Variants in N4BP1 observed in about 807,000 individuals in gnomAD.
N4BP1 encodes the protein NEDD4-binding protein 1.
In N4BP1, 21 loss-of-function variants were observed where a neutral mutation model predicts 70.9. That is an observed-to-expected ratio of 0.30 (90% CI 0.21 to 0.43). The LOEUF (loss-of-function observed/expected upper bound fraction) is 0.43. N4BP1 is among the 20% of genes least tolerant of loss of function. The pLI, the probability that N4BP1 is intolerant of heterozygous loss-of-function variation, is 1.00. For missense variants in N4BP1, 936 were observed against 1,069.4 expected, an observed-to-expected ratio of 0.88 and a Z score of 1.74; for synonymous variants, 387 against 394.6, an observed-to-expected ratio of 0.98 and a Z score of 0.23.
chr16:48,574,594 A>T (rs1567436692), intron 1 of N4BP1, among the ~76,000 whole-genome samples: 1 of 152,214 alleles, frequency 6.6e-6, no homozygotes, highest in East Asian at 1.9e-4. Context: ...ACCAGTGAAC[A>T]ACCTTAATTT....
chr16:48,561,554 A>G lies in N4BP1; in HGVS notation c.1089T>C (p.Ile363=), dbSNP rs1963856927. 6.2e-7 allele frequency: 1 copy of G among 1,613,766 alleles called. No homozygotes were observed. The highest frequency in any genetic ancestry group is 1.3e-5 in the African/African-American group (1 of 74,914). ...CATACACCTTAATGACCTTTTCAAC[A>G]ATTTCTTGGGAGTAGCCCATGGTTT... ...FFKTMGYSQE[I]VEKVIKVYGP... Residue 363 remains isoleucine (I), a synonymous_variant, in exon 2 of 7, where the codon ATT becomes ATC. Transcript: ENST00000262384.
intron 2 of N4BP1, chr16:48,560,521 C>T (rs1304987769): frequency 2.2e-6 from 1 of 463,582 alleles, no homozygotes; most frequent in African/African-American, 2.0e-5. Context: ...ATTTTCTATC[C>T]TCTCTTGCCC....
At chr16:48,548,621 C>T (rs1316650320) in intron 4 of N4BP1, among the ~76,000 whole-genome samples, 4 of 151,854 alleles carry the variant, frequency 2.6e-5, no homozygotes, top group Non-Finnish European at 4.4e-5. Context: ...TTGAGGTGGG[C>T]GGATCATTCA....
intron 2 of N4BP1, among the ~76,000 whole-genome samples, chr16:48,554,095 T>C (rs1963714861): frequency 6.6e-6 from 1 of 151,966 alleles, no homozygotes; most frequent in South Asian, 2.1e-4. Context: ...GAGAAACACG[T>C]TGAGGGCAAG....
intron 1 of N4BP1, among the ~76,000 whole-genome samples, chr16:48,586,943 T>C (rs1443067593): frequency 2.6e-5 from 4 of 152,116 alleles, no homozygotes; most frequent in African/African-American, 9.7e-5. Context: ...GCCCACAATA[T>C]GTTCTTAGCT....
At chr16:48,552,699 GAAAAAAAAAAAAAAA>G (rs71134556) in intron 3 of N4BP1, among the ~76,000 whole-genome samples, 394 of 18,448 alleles carry the variant, frequency 0.021, no homozygotes, top group Non-Finnish European at 0.039. Context: ...CTCCGTCTCA[GAAAAAAAAAAAAAAA>G]AAAAAAAAAA....
rs1037889854 is a variant in N4BP1, at chr16:48,561,096, G to A, written c.1547C>T (p.Pro516Leu). 1.9e-6 allele frequency: 3 copies of A among 1,614,008 alleles called. No homozygotes were observed. Among genetic ancestry groups the A allele is most frequent in the East Asian group, 4.5e-5 (2 of 44,890 alleles). Residue 516 changes from proline (P) to leucine (L), a missense_variant, in exon 2 of 7, where the codon CCC becomes CTC. Pro to Leu is a moderately conservative substitution (Grantham distance 98). Coordinates refer to ENST00000262384, the MANE Select transcript of N4BP1 (RefSeq NM_153029.4). ...FVSRGASSHQPRVPLFPENGL... is the reference protein window; with the variant it reads ...FVSRGASSHQLRVPLFPENGL... ...ATTTTCAGGAAAAAGTGGAACTCTG[G>A]GCTGGTGACTTGAAGCTCCCCTTGA...
rs200088971 is a variant in N4BP1 at position 48,573,170 on chromosome 16, C to T, written c.199-10726G>A. Among the ~76,000 whole-genome samples the T allele has an allele frequency of 4.6e-5, 7 of 151,650 alleles. No homozygotes were observed. In the East Asian group the frequency reaches 1.4e-3, roughly 29 times the overall value. On this transcript the variant is annotated intron_variant, in intron 1 of 6. Coordinates refer to ENST00000262384, the MANE Select transcript of N4BP1 (RefSeq NM_153029.4). The stretch of plus-strand genomic sequence containing the variant: ...AAATTAAAAGTTGTACCAAAAAACC[C>T]CCATAAATGTAGTACAGTACTTGGC...
rs1384781262 is a variant in N4BP1 at position 48,542,090 on chromosome 16, G to A, written c.*814C>T. The stretch of plus-strand genomic sequence containing the variant: ...TCCAGAGCCAGGCCAGGCATGTGGA[G>A]GCCCCTGACTGTGGGCGTGTCAAGC... On this transcript the variant is annotated 3_prime_UTR_variant, in exon 7 of 7. Transcript: ENST00000262384. 1.3e-5 allele frequency: 2 copies of A among 152,484 alleles called. No individual in the cohort carries two copies. Among genetic ancestry groups the A allele is most frequent in the African/African-American group, 4.8e-5 (2 of 41,468 alleles). The allele number at this position is 152,484 out of a possible 1,614,324, so 9.4% of individuals were successfully genotyped here.
intron 1 of N4BP1, among the ~76,000 whole-genome samples, chr16:48,569,846 G>A (rs752939015): frequency 1.3e-5 from 2 of 152,102 alleles, no homozygotes; most frequent in African/African-American, 2.4e-5. Flanking sequence ...ATGAGCCAAG[G>A]GGATCATGAA....
At chr16:48,583,548 AT>A (rs1226763475) in intron 1 of N4BP1, among the ~76,000 whole-genome samples, 1 of 152,222 alleles carries the variant, frequency 6.6e-6, no homozygotes, top group Non-Finnish European at 1.5e-5. Context: ...CAGAATAGAT[AT>A]GTGTCCTCAC....
intron 1 of N4BP1, among the ~76,000 whole-genome samples, chr16:48,597,155 G>C (rs1964427318): frequency 6.6e-6 from 1 of 152,116 alleles, no homozygotes; most frequent in South Asian, 2.1e-4. Context: ...AGTAATAATA[G>C]AACTCCAGTC....
At chr16:48,582,044 A>C (rs186781824) in intron 1 of N4BP1, among the ~76,000 whole-genome samples, 1 of 152,206 alleles carries the variant, frequency 6.6e-6, no homozygotes, top group African/African-American at 2.4e-5. Flanking sequence ...TTTGCAAACT[A>C]TACACATAAG....
chr16:48,576,764 C>G lies in N4BP1; in HGVS notation c.199-14320G>C, dbSNP rs564367932. Among the ~76,000 whole-genome samples the G allele has an allele frequency of 5.9e-5, 9 of 152,306 alleles. No homozygotes were observed. The East Asian group carries it at 1.2e-3, about 20-fold the overall frequency. ...CATGTCTTTGCATTCTGCCTTATCT[C>G]AGGCTTCATCACTTCTCTGTTTACC... On this transcript the variant is annotated intron_variant, in intron 1 of 6. Transcript: ENST00000262384.
chr16:48,589,957 A>G (rs1964309518), intron 1 of N4BP1, among the ~76,000 whole-genome samples: 1 of 152,152 alleles, frequency 6.6e-6, no homozygotes, highest in East Asian at 1.9e-4. Context: ...TTTCTCGGAA[A>G]GACCCCCTTC....
intron 1 of N4BP1, among the ~76,000 whole-genome samples, chr16:48,591,330 T>C (rs1964334669): frequency 6.6e-6 from 1 of 151,744 alleles, no homozygotes; most frequent in African/African-American, 2.4e-5. Context: ...TCCGATTTCC[T>C]GTCTTGAATT....
At chr16:48,588,483 C>CG (rs1964281544) in intron 1 of N4BP1, among the ~76,000 whole-genome samples, 1 of 151,894 alleles carries the variant, frequency 6.6e-6, no homozygotes, top group Non-Finnish European at 1.5e-5. Flanking sequence ...TTAGTAGAGA[C>CG]GGGGTTTCAC....
chr16:48,603,979 A>G (rs1324854541), intron 1 of N4BP1, among the ~76,000 whole-genome samples: 1 of 152,026 alleles, frequency 6.6e-6, no homozygotes, highest in Non-Finnish European at 1.5e-5. Flanking sequence ...CTTACCTCCA[A>G]TCCTTGTGTC....
intron 1 of N4BP1, among the ~76,000 whole-genome samples, chr16:48,594,001 C>CAAAAAAAAAAAAAAAA (rs750355255): frequency 1.6e-4 from 7 of 42,530 alleles, no homozygotes; most frequent in African/African-American, 6.2e-4. Context: ...GACTCCGTCT[C>CAAAAAAAAAAAAAAAA]AAAAAAAAAA....
Sources: gnomAD v4.1 joint callset for allele counts (sites outside exome capture counted in the v4.1 genomes callset) on GRCh38, gnomAD v4.1.1 for gene constraint, MANE v1.5 for transcripts, NCBI Gene and HGNC (gene_info 2026-07-23, HGNC 2026-07-21) for gene names.